Variants in FAM120A observed in about 807,000 individuals in gnomAD.
The protein encoded by FAM120A is constitutive coactivator of PPAR-gamma-like protein 1.
A neutral mutation model predicts 109.7 loss-of-function variants in FAM120A; 15 were observed. The observed-to-expected ratio is 0.14, with a 90% CI of 0.09 to 0.21. The LOEUF (loss-of-function observed/expected upper bound fraction) is 0.21, where lower values mean the gene tolerates loss of function less well. Among genes scored for constraint, FAM120A ranks in the 10% least tolerant of loss-of-function variants. The probability of loss-of-function intolerance (pLI) is 1.00; values close to 1 mark genes in which losing one functional copy is unlikely to be tolerated. For missense variants in FAM120A, 899 were observed against 1,439.3 expected, an observed-to-expected ratio of 0.62 and a Z score of 6.07; for synonymous variants, 493 against 572.8, an observed-to-expected ratio of 0.86 and a Z score of 1.99.
intron 1 of FAM120A, among the ~76,000 whole-genome samples, chr9:93,463,092 C>T (rs574414574): frequency 2.0e-5 from 3 of 152,248 alleles, no homozygotes; most frequent in East Asian, 1.9e-4. Context: ...AATCACCATA[C>T]GATTTCCCAA....
At chr9:93,475,021 G>A (rs1858487915) in intron 2 of FAM120A, among the ~76,000 whole-genome samples, 1 of 152,150 alleles carries the variant, frequency 6.6e-6, no homozygotes, top group Middle Eastern at 3.2e-3. Flanking sequence ...AGTACCTCTG[G>A]CTTGTGTGTT....
chr9:93,551,333 T>C (rs748250241), intron 12 of FAM120A, among the ~76,000 whole-genome samples: 3 of 152,232 alleles, frequency 2.0e-5, no homozygotes, highest in Non-Finnish European at 4.4e-5. Flanking sequence ...TCAGTGTGGA[T>C]ATCTTTTTTG....
chr9:93,509,274 T>C (rs1156686617), intron 5 of FAM120A, among the ~76,000 whole-genome samples: 1 of 152,236 alleles, frequency 6.6e-6, no homozygotes, highest in African/African-American at 2.4e-5. Flanking sequence ...TGTCCTGTTG[T>C]GGTCAGGGCA....
intron 5 of FAM120A, among the ~76,000 whole-genome samples, chr9:93,503,720 A>G (rs1237324231): frequency 6.6e-6 from 1 of 152,154 alleles, no homozygotes; most frequent in Non-Finnish European, 1.5e-5. Context: ...AACTGTGGGC[A>G]TTAGGTAATC....
intron 10 of FAM120A, among the ~76,000 whole-genome samples, chr9:93,539,970 GTAAT>G (rs2131505728): frequency 6.6e-6 from 1 of 152,322 alleles, no homozygotes; most frequent in South Asian, 2.1e-4. Flanking sequence ...GCACTAATTT[GTAAT>G]TAATTTAATG....
intron 17 of FAM120A, 145 bp from the exon 18 acceptor site, chr9:93,564,084 C>CA (rs1564364164): frequency 1.3e-6 from 1 of 779,518 alleles, no homozygotes; most frequent in Non-Finnish European, 2.1e-6. Flanking sequence ...GCCCAAAAGT[C>CA]AAAGCAAAGA....
chr9:93,491,615 T>A (rs905762337), intron 3 of FAM120A, among the ~76,000 whole-genome samples: 10 of 152,230 alleles, frequency 6.6e-5, no homozygotes, highest in Non-Finnish European at 1.3e-4. Flanking sequence ...CTTTCAAAGG[T>A]CTTTTCCAGC....
intron 3 of FAM120A, among the ~76,000 whole-genome samples, chr9:93,479,121 C>T (rs1269799433): frequency 8.7e-5 from 9 of 103,732 alleles, no homozygotes; most frequent in Non-Finnish European, 1.2e-4. Context: ...TTTTTTGAGA[C>T]GGAGTCTCGC....
At chr9:93,491,250 A>C (rs531061545) in intron 3 of FAM120A, among the ~76,000 whole-genome samples, 5 of 152,288 alleles carry the variant, frequency 3.3e-5, no homozygotes, top group African/African-American at 1.2e-4. Flanking sequence ...TTTAAAAAAC[A>C]AAACAAAGGT....
chr9:93,562,843 T>TAC (rs1300372651), intron 17 of FAM120A, among the ~76,000 whole-genome samples: 1 of 151,966 alleles, frequency 6.6e-6, no homozygotes, highest in African/African-American at 2.4e-5. Flanking sequence ...TTTTGTAGTT[T>TAC]TAGTAGAGTT....
At chr9:93,485,752 C>T (rs1859016037) in intron 3 of FAM120A, among the ~76,000 whole-genome samples, 8 of 152,096 alleles carry the variant, frequency 5.3e-5, no homozygotes, top group Admixed American at 4.6e-4. Context: ...GCCCCTGTCA[C>T]CCCAAAAAGA....
intron 14 of FAM120A, 27 bp from the exon 15 acceptor site, chr9:93,558,554 C>T (rs1564361736): frequency 1.9e-6 from 3 of 1,612,786 alleles, no homozygotes; most frequent in South Asian, 1.1e-5. Context: ...ACACTTCTCC[C>T]CTCTCTCTCT....
At chr9:93,514,975 G>C (rs2131404089) in intron 5 of FAM120A, among the ~76,000 whole-genome samples, 1 of 152,346 alleles carries the variant, frequency 6.6e-6, no homozygotes, top group African/African-American at 2.4e-5. Flanking sequence ...TCCTCTCACA[G>C]ATTTCTTCAT....
rs1445472022 is a variant in FAM120A, at chr9:93,452,859, G to A, written c.474+470G>A. ...AGGGGGTTTCGCCAGAGCCCTTGGG[G>A]GCTGCAAATATCAGTGCTGCTGCCG... On this transcript the variant is annotated intron_variant, in intron 1 of 17. Transcript: ENST00000277165. The surrounding 1 kb of genome is among the most constrained non-coding windows in gnomAD (Gnocchi z 7.0). 7.4e-6 allele frequency: 11 copies of A among 1,482,562 alleles called. No homozygotes were observed. The highest frequency in any genetic ancestry group is 1.3e-5 in the South Asian group (1 of 75,574). 91.8% of individuals were successfully genotyped at this position (1,482,562 alleles called of 1,614,324 possible). A position where few individuals can be genotyped will look rare whatever the true frequency, so the allele number is the denominator to read the frequency against.
chr9:93,564,140 CAG>C lies in FAM120A; in HGVS notation c.3046-84_3046-83del, dbSNP rs1862561818. On this transcript the variant is annotated intron_variant, in intron 17 of 17. Transcript: ENST00000277165. ...TGGGCATTTTCTGCTCTTGAATCTG[CAG>C]AGAGTGTCATTAGGCCAAAATTGGC... is the stretch of plus-strand genomic sequence containing the variant. 27 of 1,310,656 alleles carry C rather than the reference CAG, an allele frequency of 2.1e-5. No homozygotes were observed. In the Middle Eastern group the frequency reaches 7.4e-4, roughly 36 times the overall value. The allele number at this position is 1,310,656 out of a possible 1,614,324, so 81.2% of individuals were successfully genotyped here. A position where few individuals can be genotyped will look rare whatever the true frequency, so the allele number is the denominator to read the frequency against.
intron 3 of FAM120A, among the ~76,000 whole-genome samples, chr9:93,482,080 C>T (rs1858837122): frequency 6.6e-6 from 1 of 152,014 alleles, no homozygotes; most frequent in Non-Finnish European, 1.5e-5. Context: ...CACTCTGATT[C>T]ACTTATTTTG....
At chr9:93,505,710 A>C (rs1217574018) in intron 5 of FAM120A, among the ~76,000 whole-genome samples, 1 of 152,166 alleles carries the variant, frequency 6.6e-6, no homozygotes, top group Non-Finnish European at 1.5e-5. Context: ...TGGTTGATAG[A>C]TATGTGTGGC....
At chr9:93,476,174 G>A in intron 2 of FAM120A, 82 bp from the exon 3 acceptor site, 1 of 875,040 alleles carries the variant, frequency 1.1e-6, no homozygotes, top group Non-Finnish European at 1.9e-6. Flanking sequence ...TTCTACTATA[G>A]GTGACAATAT....
At position 93,498,963 on chromosome 9, in the gene FAM120A, T is replaced by C. The variant is rs1011525191; in HGVS notation, c.1030+77T>C. ...GGTTTAAATATTCACCATATAATCT[T>C]GTAGGTTTATGTTTTTGAAACATGA... On this transcript the variant is annotated intron_variant, in intron 5 of 17. Transcript: ENST00000277165. This position sits in a 1 kb window ranked among gnomAD's most constrained non-coding sequence, Gnocchi z 4.4. 3.2e-6 allele frequency: 3 copies of C among 951,620 alleles called. No homozygotes were observed. The highest frequency in any genetic ancestry group is 5.0e-6 in the Non-Finnish European group (3 of 594,814). 58.9% of individuals were successfully genotyped at this position (951,620 alleles called of 1,614,324 possible).
Sources: gnomAD v4.1 joint callset for allele counts (sites outside exome capture counted in the v4.1 genomes callset) on GRCh38, gnomAD v4.1.1 for gene constraint, Gnocchi (gnomAD v3.1) non-coding constraint, MANE v1.5 for transcripts, NCBI Gene and HGNC (gene_info 2026-07-23, HGNC 2026-07-21) for gene names.